The following MYO9A variants were observed in gnomAD, a reference collection of about 807,000 sequenced individuals.
MYO9A encodes myosin IXA, also known as unconventional myosin-IXa.
A neutral mutation model predicts 293.3 loss-of-function variants in MYO9A; 103 were observed. The ratio of observed to expected loss-of-function variants is 0.35; its 90% confidence interval spans 0.30 to 0.41. The LOEUF (loss-of-function observed/expected upper bound fraction) is 0.41. Ranked by LOEUF, MYO9A falls within the 10% of genes least tolerant of loss-of-function variation. The pLI, the probability that MYO9A is intolerant of heterozygous loss-of-function variation, is 1.00. For synonymous variants in MYO9A, 1,001 were observed against 1,035.7 expected (o/e 0.97, Z 0.64); for missense variants, 2,685 against 3,033.0 (o/e 0.89, Z 2.69).
At chr15:71,875,159 A>ATT (rs2056644008) in intron 32 of MYO9A, among the ~76,000 whole-genome samples, 1 of 151,988 alleles carries the variant, frequency 6.6e-6, no homozygotes, top group Non-Finnish European at 1.5e-5. Context: ...TATCTATTGT[A>ATT]TTATATATAT....
intron 8 of MYO9A, among the ~76,000 whole-genome samples, chr15:72,006,606 A>G (rs1299127533): frequency 2.6e-5 from 4 of 152,228 alleles, no homozygotes; most frequent in Admixed American, 2.6e-4. Flanking sequence ...TGATACTATA[A>G]TAGTGGACAT....
intron 1 of MYO9A, among the ~76,000 whole-genome samples, chr15:72,057,929 G>C (rs1389487890): frequency 6.6e-6 from 1 of 152,108 alleles, no homozygotes; most frequent in Non-Finnish European, 1.5e-5. Context: ...ACAATCAAAA[G>C]AACCCATTAT....
chr15:71,880,507 C>T lies in MYO9A; in HGVS notation c.5450G>A (p.Ser1817Asn). The T allele has an allele frequency of 6.2e-7, 1 of 1,614,198 alleles. No individual in the cohort carries two copies. Among genetic ancestry groups the T allele is most frequent in the Admixed American group, 1.7e-5 (1 of 60,024 alleles). The change falls in exon 29 of 42, where the codon AGT becomes AAT. Residue 1817 changes from serine to asparagine, a missense_variant. Transcript: ENST00000356056. ...TPPLSPELPG[S>N]CRKEFKENKE... ...GTTCTCTTTGAATTCCTTCCGGCAA[C>T]TGCCGGGCAGTTCTGGGCTCAAAGG...
At position 71,956,349 on chromosome 15, in the gene MYO9A, AT is replaced by A. The variant is rs1489442608; in HGVS notation, c.2182+3551del. On this transcript the variant is annotated intron_variant, in intron 14 of 41. Coordinates refer to ENST00000356056, the MANE Select transcript of MYO9A (RefSeq NM_006901.4). ...AAAAAAAATATATATATATATATAT[AT>A]AAAATACGCCCAGCGTGGTGGCTCA... Among the ~76,000 whole-genome samples the A allele has an allele frequency of 4.4e-5, 6 of 137,484 alleles. No homozygotes were observed. In the East Asian group the frequency reaches 6.1e-4, roughly 14 times the overall value. 90.2% of individuals were successfully genotyped at this position (137,484 alleles called of 152,430 possible). A position where few individuals can be genotyped will look rare whatever the true frequency, so the allele number is the denominator to read the frequency against.
chr15:71,951,324 T>A (rs532354654), intron 15 of MYO9A, among the ~76,000 whole-genome samples: 1 of 152,314 alleles, frequency 6.6e-6, no homozygotes, highest in South Asian at 2.1e-4. Flanking sequence ...AATATATTCA[T>A]TATCTTGACT....
chr15:72,017,010 C>CTTTTTT (rs61153023), intron 6 of MYO9A, among the ~76,000 whole-genome samples: 3 of 58,276 alleles, frequency 5.1e-5, no homozygotes, highest in East Asian at 6.0e-4. Flanking sequence ...GAGCCCAAAT[C>CTTTTTT]TTTTTTTTTT....
chr15:71,843,460 A>C (rs1448281958), intron 39 of MYO9A, among the ~76,000 whole-genome samples: 2 of 152,088 alleles, frequency 1.3e-5, no homozygotes, highest in Admixed American at 1.3e-4. Context: ...AAATAAATAG[A>C]TTAGTCTTAG....
At chr15:72,107,997 T>C (rs2080635255) in intron 1 of MYO9A, among the ~76,000 whole-genome samples, 2 of 152,168 alleles carry the variant, frequency 1.3e-5, no homozygotes, top group Non-Finnish European at 2.9e-5. Context: ...AAGCTCTTAT[T>C]AACTGAAGAA....
At chr15:71,906,594 G>A (rs1435040019) in intron 19 of MYO9A, among the ~76,000 whole-genome samples, 6 of 151,684 alleles carry the variant, frequency 4.0e-5, no homozygotes, top group Non-Finnish European at 7.4e-5. Flanking sequence ...AGTCTACTTT[G>A]TCTGACTCTA....
intron 12 of MYO9A, among the ~76,000 whole-genome samples, chr15:71,974,763 T>C (rs1004573347): frequency 1.3e-5 from 2 of 152,200 alleles, no homozygotes; most frequent in Admixed American, 6.5e-5. Flanking sequence ...AGCTCACTAG[T>C]TCTGCACCCA....
At chr15:71,902,822 C>A in intron 22 of MYO9A, 119 bp downstream of exon 22, 1 of 787,964 alleles carries the variant, frequency 1.3e-6, no homozygotes, top group Non-Finnish European at 1.8e-6. Context: ...CTGGGCCTAA[C>A]CAATTGTCTT....
At chr15:71,961,566 T>C (rs1429806190) in intron 13 of MYO9A, among the ~76,000 whole-genome samples, 1 of 152,238 alleles carries the variant, frequency 6.6e-6, no homozygotes, top group Non-Finnish European at 1.5e-5. Flanking sequence ...ACTCTCATTT[T>C]ATAGATGAGA....
chr15:72,103,164 C>CCAGCCTGGGTGG (rs1462414027), intron 1 of MYO9A, among the ~76,000 whole-genome samples: 2 of 148,810 alleles, frequency 1.3e-5, no homozygotes, highest in African/African-American at 4.9e-5. Context: ...CCACTGCACT[C>CCAGCCTGGGTGG]CAGCCTGGGT....
At chr15:71,884,130 A>T (rs796093256) in intron 27 of MYO9A, among the ~76,000 whole-genome samples, 1 of 152,128 alleles carries the variant, frequency 6.6e-6, no homozygotes, top group Non-Finnish European at 1.5e-5. Context: ...TAGTATATAC[A>T]CAATTTAACA....
rs143199732 is a variant in MYO9A at position 71,925,436 on chromosome 15, C to A, written c.2562+8234G>T. ...ATCTATGTATATGTATATATAGATA[C>A]GTATATACATGTATATCTATATATA... On this transcript the variant is annotated intron_variant, in intron 18 of 41. Coordinates refer to ENST00000356056, the MANE Select transcript of MYO9A (RefSeq NM_006901.4). 1.2e-3 allele frequency among the ~76,000 whole-genome samples: 182 copies of A among 150,800 alleles called. 1 individual carries two copies. The Middle Eastern group carries it at 0.014, about 12-fold the overall frequency.
chr15:72,082,716 T>C (rs907641344), intron 1 of MYO9A, among the ~76,000 whole-genome samples: 1 of 151,860 alleles, frequency 6.6e-6, no homozygotes. Flanking sequence ...AATACCTCGT[T>C]TATTGAGAGT....
intron 13 of MYO9A, among the ~76,000 whole-genome samples, chr15:71,966,083 A>C: frequency 6.6e-6 from 1 of 151,680 alleles, no homozygotes; most frequent in Non-Finnish European, 1.5e-5. Flanking sequence ...CACCACGTTG[A>C]CCAGGCTAGT....
Position 71,904,914 on chromosome 15 carries a change from G to A in MYO9A, c.2766+12C>T. 1 of 1,585,970 alleles carries A rather than the reference G, an allele frequency of 6.3e-7. No homozygotes were observed. Among genetic ancestry groups the A allele is most frequent in the South Asian group, 1.1e-5 (1 of 87,744 alleles). On this transcript the variant is annotated intron_variant, in intron 20 of 41. Transcript: ENST00000356056. Reference sequence around the variant, plus strand: ...GCTGAGATATGTGCTCTCATTTATAGGACATTTTTACCTTTTCAGCATTAG... The same window carrying A: ...GCTGAGATATGTGCTCTCATTTATAAGACATTTTTACCTTTTCAGCATTAG...
chr15:72,103,411 A>AAGCAGCAGCAGAAGC (rs1284170573), intron 1 of MYO9A, among the ~76,000 whole-genome samples: 2,684 of 147,098 alleles, frequency 0.018, 106 homozygotes, highest in African/African-American at 0.067. Flanking sequence ...AGCAAGCAGC[A>AAGCAGCAGCAGAAGC]AGCAGCAGCA....
Sources: gnomAD v4.1 joint callset for allele counts (sites outside exome capture counted in the v4.1 genomes callset) on GRCh38, gnomAD v4.1.1 for gene constraint, MANE v1.5 for transcripts, NCBI Gene and HGNC (gene_info 2026-07-23, HGNC 2026-07-21) for gene names.